The following MTARC2 variants were observed in gnomAD, a reference collection of about 807,000 sequenced individuals.
MTARC2 encodes MOCO sulphurase C-terminal domain containing 2.
MTARC2 carries 27 observed loss-of-function variants against 35.6 expected under a neutral mutation model. That is an observed-to-expected ratio of 0.76 (90% confidence interval 0.56 to 1.04). MTARC2 has a LOEUF of 1.04. Ranked by LOEUF, MTARC2 falls within the 50% of genes least tolerant of loss-of-function variation. MTARC2 has a pLI of 0.00. For missense variants in MTARC2, 412 were observed against 432.5 expected (o/e 0.95, Z 0.42); for synonymous variants, 158 against 167.1 (o/e 0.95, Z 0.42).
chr1:220,774,946 T>C (rs1558074229), intron 4 of MTARC2, among the ~76,000 whole-genome samples: 1 of 149,368 alleles, frequency 6.7e-6, no homozygotes, highest in African/African-American at 2.5e-5. Flanking sequence ...TATAGACCCG[T>C]GTGTGTGCGT....
chr1:220,767,594 T>A (rs994438625), intron 4 of MTARC2, among the ~76,000 whole-genome samples: 8 of 152,358 alleles, frequency 5.3e-5, no homozygotes, highest in African/African-American at 1.9e-4. Flanking sequence ...ATCTCTGTAG[T>A]TGGCCATTGT....
At chr1:220,748,855 G>GC (rs902271550) in intron 1 of MTARC2, 52 bp downstream of exon 1, 3 of 1,490,694 alleles carry the variant, frequency 2.0e-6, no homozygotes, top group African/African-American at 3.3e-5. Flanking sequence ...GGGATGAGGA[G>GC]CGGGGGGGCA....
At chr1:220,757,505 T>C (rs1423795991) in intron 2 of MTARC2, among the ~76,000 whole-genome samples, 1 of 152,220 alleles carries the variant, frequency 6.6e-6, no homozygotes, top group East Asian at 1.9e-4. Context: ...TACCATAGTC[T>C]GGGTGGCTTA....
chr1:220,754,611 T>C (rs1042018970), intron 1 of MTARC2, among the ~76,000 whole-genome samples: 3 of 152,136 alleles, frequency 2.0e-5, no homozygotes, highest in African/African-American at 4.8e-5. Flanking sequence ...CTGCAGAAGC[T>C]TCTAACCAAA....
chr1:220,778,421 G>A (rs1466309237), intron 4 of MTARC2, among the ~76,000 whole-genome samples: 2 of 152,052 alleles, frequency 1.3e-5, no homozygotes, highest in Non-Finnish European at 2.9e-5. Flanking sequence ...GCAAGAGAGC[G>A]AAGGGGAAGT....
intron 4 of MTARC2, among the ~76,000 whole-genome samples, chr1:220,775,002 GAGAC>G (rs1671860194): frequency 6.6e-6 from 1 of 151,990 alleles, no homozygotes; most frequent in African/African-American, 2.4e-5. Flanking sequence ...TACGGAGAGA[GAGAC>G]AGGAAAAAAG....
At chr1:220,749,639 C>G (rs1313096915) in intron 1 of MTARC2, among the ~76,000 whole-genome samples, 2 of 152,014 alleles carry the variant, frequency 1.3e-5, no homozygotes, top group African/African-American at 2.4e-5. Flanking sequence ...CTCTGTTGAC[C>G]AGGCTGGTCT....
rs1302238280 is a variant in MTARC2 at position 220,780,063 on chromosome 1, GT to G, written c.797del (p.Val266GlufsTer9). The G allele has an allele frequency of 1.3e-6, 2 of 1,550,716 alleles. No individual in the cohort carries two copies. Among genetic ancestry groups the G allele is most frequent in the Admixed American group, 4.6e-5 (2 of 43,546 alleles). ...LLIGSVEVKK[V>X]MACPRCILTT... ...AATTGGTAGTGTAGAAGTGAAAAAGGTAATGGCATGCCCCAGGTAAGGAGCC... is the reference window on the plus strand; with the variant it reads ...AATTGGTAGTGTAGAAGTGAAAAAGGAATGGCATGCCCCAGGTAAGGAGCC... On this transcript the variant is annotated frameshift_variant, in exon 5 of 8. Coordinates refer to ENST00000366913, the MANE Select transcript of MTARC2 (RefSeq NM_017898.5). LOFTEE classifies it high-confidence loss of function.
intron 4 of MTARC2, among the ~76,000 whole-genome samples, chr1:220,777,663 T>A (rs11118603): frequency 0.016 from 2,467 of 152,270 alleles, 42 homozygotes; most frequent in East Asian, 0.056. Flanking sequence ...GACAGAGGAT[T>A]GCCCTGTGAA....
chr1:220,780,297 A>G lies in MTARC2; in HGVS notation c.884+58A>G, dbSNP rs112533167. 9.6e-4 allele frequency: 1,424 copies of G among 1,476,294 alleles called. 10 individuals carry two copies. In the South Asian group the frequency reaches 0.012, roughly 12 times the overall value. 91.4% of individuals were successfully genotyped at this position (1,476,294 alleles called of 1,614,324 possible). ...TATTATCTCCACCCCAGAACTACCT[A>G]TGGGTTTAGGTGCTATGTCTGCTTT... On this transcript the variant is annotated intron_variant, in intron 6 of 7. Transcript: ENST00000366913.
Position 220,779,843 on chromosome 1 carries a change from C to G in MTARC2, c.751-175C>G, listed in dbSNP as rs1672017879. 6.3e-6 allele frequency: 3 copies of G among 476,578 alleles called. No homozygotes were observed. In the South Asian group the frequency reaches 1.1e-4, roughly 17 times the overall value. 29.5% of individuals were successfully genotyped at this position (476,578 alleles called of 1,614,324 possible). On this transcript the variant is annotated intron_variant, in intron 4 of 7. Transcript: ENST00000366913. ...TGAGACTGGGAGTCAAGAGGTGGAC[C>G]TGAACTTGCCAGCATTCTGCCTCCC...
intron 4 of MTARC2, among the ~76,000 whole-genome samples, chr1:220,767,005 A>C (rs973558206): frequency 1.3e-5 from 2 of 151,940 alleles, no homozygotes; most frequent in Non-Finnish European, 2.9e-5. Context: ...ATTAATTAAA[A>C]GTGAAAAAAA....
chr1:220,779,831 C>A, intron 4 of MTARC2, 187 bp from the exon 5 acceptor site: 1 of 455,134 alleles, frequency 2.2e-6, no homozygotes, highest in Non-Finnish European at 3.9e-6. Context: ...GACTGGGAGT[C>A]AAGAGGTGGA....
intron 1 of MTARC2, among the ~76,000 whole-genome samples, chr1:220,752,318 T>G (rs1040543500): frequency 6.6e-6 from 1 of 152,138 alleles, no homozygotes; most frequent in Non-Finnish European, 1.5e-5. Flanking sequence ...AAGGGAGTCT[T>G]GTCTGGGGAA....
chr1:220,778,321 A>G (rs935413776), intron 4 of MTARC2, among the ~76,000 whole-genome samples: 1 of 151,984 alleles, frequency 6.6e-6, no homozygotes, highest in Non-Finnish European at 1.5e-5. Flanking sequence ...CAGGATGCAT[A>G]GCGGCTTCTG....
chr1:220,766,512 C>T (rs1022254121), intron 4 of MTARC2, among the ~76,000 whole-genome samples: 1 of 152,170 alleles, frequency 6.6e-6, no homozygotes, highest in Non-Finnish European at 1.5e-5. Flanking sequence ...CATGAAGCAA[C>T]AGTTTTTCCA....
Position 220,755,060 on chromosome 1 carries a change from A to G in MTARC2, c.386A>G (p.Asp129Gly). Residue 129 changes from aspartate (D) to glycine (G), a missense_variant, in exon 2 of 8, where the codon GAC becomes GGC. By Grantham distance (94) the Asp-to-Gly change is moderately conservative. Transcript: ENST00000366913. ...AACTGCCTGATCTTCAGGGCTCCAG[A>G]CATGGACCAGCTGGTTTTGCCTAGC... ...ENNCLIFRAPDMDQLVLPSKQ... is the reference protein window; with the variant it reads ...ENNCLIFRAPGMDQLVLPSKQ... 1 of 1,613,214 alleles carries G rather than the reference A, an allele frequency of 6.2e-7. No individual in the cohort carries two copies.
intron 4 of MTARC2, among the ~76,000 whole-genome samples, chr1:220,772,564 G>A (rs954502181): frequency 6.6e-6 from 1 of 152,178 alleles, no homozygotes; most frequent in South Asian, 2.1e-4. Context: ...ACCTCACTGT[G>A]TCTGCCTGCA....
intron 7 of MTARC2, 65 bp downstream of exon 7, chr1:220,781,997 A>T (rs1558078116): frequency 8.8e-6 from 12 of 1,356,378 alleles, no homozygotes; most frequent in South Asian, 3.1e-5. Context: ...TCTTGTGTTA[A>T]TTTTTTTTAT....
Sources: allele counts gnomAD v4.1 joint callset (sites outside exome capture counted in the v4.1 genomes callset), GRCh38; gene constraint gnomAD v4.1.1; transcripts MANE v1.5; gene names NCBI Gene and HGNC (gene_info 2026-07-23, HGNC 2026-07-21).